The following EHBP1 variants were observed in gnomAD, a reference collection of about 807,000 sequenced individuals.
EHBP1 encodes EH domain-binding protein 1.
EHBP1 carries 55 observed loss-of-function variants against 144.0 expected under a neutral mutation model. That is an observed-to-expected ratio of 0.38 (90% CI 0.31 to 0.48). EHBP1 has a LOEUF of 0.48. Ranked by LOEUF, EHBP1 falls within the 20% of genes least tolerant of loss-of-function variation. EHBP1 has a pLI of 0.98. For missense variants in EHBP1, 1,200 were observed against 1,364.2 expected, an observed-to-expected ratio of 0.88 and a Z score of 1.90; for synonymous variants, 469 against 472.7, an observed-to-expected ratio of 0.99 and a Z score of 0.10.
intron 10 of EHBP1, among the ~76,000 whole-genome samples, chr2:62,931,969 GAGTTCA>G: frequency 6.6e-6 from 1 of 152,062 alleles, no homozygotes; most frequent in Admixed American, 6.6e-5. Context: ...AGTCAGTCAG[GAGTTCA>G]AGACCAGCCT....
At chr2:62,703,109 A>G (rs1198538342), upstream of EHBP1, among the ~76,000 whole-genome samples, 2 of 152,160 alleles carry the variant, frequency 1.3e-5, no homozygotes, top group Admixed American at 6.6e-5. Context: ...CAGGCAGATC[A>G]CTTGACCTCA....
At chr2:63,006,109 C>G (rs1348244378) in intron 19 of EHBP1, among the ~76,000 whole-genome samples, 2 of 151,946 alleles carry the variant, frequency 1.3e-5, no homozygotes, top group African/African-American at 4.8e-5. Context: ...GCGTATCTTT[C>G]CAGTAGCTTA....
At chr2:62,924,749 C>T (rs76327962) in intron 10 of EHBP1, among the ~76,000 whole-genome samples, 4,429 of 152,252 alleles carry the variant, frequency 0.029, 210 homozygotes, top group African/African-American at 0.099. Context: ...CAGATGGCTT[C>T]GTTGCTGAAT....
intron 2 of EHBP1, among the ~76,000 whole-genome samples, chr2:62,737,045 G>A (rs2038204296): frequency 6.6e-6 from 1 of 152,136 alleles, no homozygotes; most frequent in African/African-American, 2.4e-5. Context: ...TGTGCCTCTG[G>A]ACTGTGAACT....
intron 7 of EHBP1, among the ~76,000 whole-genome samples, chr2:62,858,888 C>T (rs1282154593): frequency 6.6e-6 from 1 of 152,160 alleles, no homozygotes; most frequent in East Asian, 1.9e-4. Flanking sequence ...TCTATGTCAA[C>T]ACTTTTTTTA....
chr2:62,989,564 T>C (rs1439164062), intron 15 of EHBP1, among the ~76,000 whole-genome samples: 3 of 152,168 alleles, frequency 2.0e-5, no homozygotes, highest in Non-Finnish European at 2.9e-5. Context: ...TCCTCCTACT[T>C]AATGTTTTCC....
intron 14 of EHBP1, among the ~76,000 whole-genome samples, chr2:62,963,512 T>C (rs1430945373): frequency 1.3e-5 from 2 of 152,208 alleles, no homozygotes; most frequent in Non-Finnish European, 2.9e-5. Context: ...ATGTATGAGA[T>C]TATACTTACA....
chr2:62,713,369 G>A (rs528323405), intron 2 of EHBP1, among the ~76,000 whole-genome samples: 2 of 151,498 alleles, frequency 1.3e-5, no homozygotes, highest in Admixed American at 6.6e-5. Flanking sequence ...AGCCTCCTAA[G>A]TAGCTGGGAT....
chr2:62,805,847 A>G (rs989256786), intron 5 of EHBP1, among the ~76,000 whole-genome samples: 3 of 152,130 alleles, frequency 2.0e-5, no homozygotes, highest in East Asian at 1.9e-4. Context: ...CTTGTAGACA[A>G]TATAAAGTTG....
intron 10 of EHBP1, among the ~76,000 whole-genome samples, chr2:62,876,626 C>G (rs1198823050): frequency 2.0e-5 from 3 of 152,144 alleles, no homozygotes; most frequent in Non-Finnish European, 4.4e-5. Flanking sequence ...TAAATTGACT[C>G]ACAGTTCTGC....
chr2:62,940,128 A>G lies in EHBP1; in HGVS notation c.1186-2590A>G, dbSNP rs189586194. 1.1e-3 allele frequency: 459 copies of G among 414,154 alleles called. 2 individuals are homozygous for G. The highest frequency in any genetic ancestry group is 8.7e-3 in the African/African-American group (420 of 48,340). 25.7% of individuals were successfully genotyped at this position (414,154 alleles called of 1,614,324 possible). On this transcript the variant is annotated intron_variant, in intron 10 of 22. Transcript: ENST00000431489. ...CAAGACTTTGAGAATCACTACAAGA[A>G]AAACGCCTGTGGTAAAGGTTCTAAG...
In EHBP1 at chr2:62,856,146, A is replaced by C. The variant is rs140897199; in HGVS notation, c.635-3023A>C. ...TCATTCTTCCTGGTTGTAGGACAAG[A>C]ACTCAGCTCTTTTAGCCCCATTGAA... On this transcript the variant is annotated intron_variant, in intron 7 of 22. Coordinates refer to ENST00000431489, the MANE Select transcript of EHBP1 (RefSeq NM_001142616.3). Among the ~76,000 whole-genome samples, 222 of 152,310 alleles carry C rather than the reference A, an allele frequency of 1.5e-3. 2 individuals carry two copies. The highest frequency in any genetic ancestry group is 5.1e-3 in the African/African-American group (213 of 41,554).
At chr2:62,897,623 G>T (rs2053047177) in intron 10 of EHBP1, among the ~76,000 whole-genome samples, 1 of 152,068 alleles carries the variant, frequency 6.6e-6, no homozygotes. Context: ...CCTGAGCTCT[G>T]CCTACTCAGC....
chr2:62,736,575 G>A (rs1236872476), intron 2 of EHBP1, among the ~76,000 whole-genome samples: 1 of 152,120 alleles, frequency 6.6e-6, no homozygotes, highest in Non-Finnish European at 1.5e-5. Context: ...CCCAAGCTCA[G>A]AGATTTTTCT....
At chr2:62,711,951 GA>G (rs1436738854) in intron 2 of EHBP1, among the ~76,000 whole-genome samples, 2 of 152,240 alleles carry the variant, frequency 1.3e-5, no homozygotes, top group African/African-American at 4.8e-5. Flanking sequence ...TGAGTATGAT[GA>G]TTTTTTTGGA....
At chr2:63,010,612 AAC>A (rs934878123) in intron 19 of EHBP1, among the ~76,000 whole-genome samples, 1 of 151,726 alleles carries the variant, frequency 6.6e-6, no homozygotes, top group Non-Finnish European at 1.5e-5. Context: ...ACAATTGTAA[AAC>A]ATTTATTTAG....
At chr2:62,926,792 A>G (rs923282510) in intron 10 of EHBP1, among the ~76,000 whole-genome samples, 2 of 152,186 alleles carry the variant, frequency 1.3e-5, no homozygotes, top group African/African-American at 4.8e-5. Flanking sequence ...AGGTCTCACA[A>G]AAAATAAATA....
At position 63,012,021 on chromosome 2, in the gene EHBP1, A is replaced by G. The variant is rs141686884; in HGVS notation, c.3103+15255A>G. 3.1e-3 allele frequency among the ~76,000 whole-genome samples: 475 copies of G among 152,044 alleles called. 6 individuals carry two copies. Among genetic ancestry groups the G allele is most frequent in the African/African-American group, 0.01 (435 of 41,554 alleles). On this transcript the variant is annotated intron_variant, in intron 19 of 22. Transcript: ENST00000431489. ...CCACATCATAGCCACAAAATAATAC[A>G]TAGTAGGTCTGTAGTTTTGTTGTTA... is the stretch of plus-strand genomic sequence containing the variant.
Position 62,747,398 on chromosome 2 carries a change from A to G in EHBP1, c.108A>G (p.Gln36=). The change falls in exon 3 of 23, where the codon CAA becomes CAG. Residue 36 remains glutamine, a synonymous_variant. Transcript: ENST00000431489. ...TAACTTTTTTTTTGTTTGGCAGGCAACCAGATAAACTGGTGGTAGTTTGGA... is the reference window on the plus strand; with the variant it reads ...TAACTTTTTTTTTGTTTGGCAGGCAGCCAGATAAACTGGTGGTAGTTTGGA... ...ELMVECTKKW[Q]PDKLVVVWTR... is the part of the protein sequence containing the mutation. The G allele has an allele frequency of 2.5e-6, 4 of 1,609,036 alleles. No homozygotes were observed. Among genetic ancestry groups the G allele is most frequent in the South Asian group, 1.1e-5 (1 of 89,858 alleles).
Sources: gnomAD v4.1 joint callset for allele counts (sites outside exome capture counted in the v4.1 genomes callset) on GRCh38, gnomAD v4.1.1 for gene constraint, MANE v1.5 for transcripts, NCBI Gene and HGNC (gene_info 2026-07-23, HGNC 2026-07-21) for gene names.